Variants in ARMC9 observed in about 807,000 individuals in gnomAD.
ARMC9 encodes lisH domain-containing protein ARMC9.
Under a neutral mutation model 107.0 loss-of-function variants are expected in ARMC9, and 94 were observed. That is an observed-to-expected ratio of 0.88 (90% CI 0.74 to 1.04). The LOEUF (loss-of-function observed/expected upper bound fraction) is 1.04, where lower values mean the gene tolerates loss of function less well. Ranked by LOEUF, ARMC9 falls within the 50% of genes least tolerant of loss-of-function variation. ARMC9 has a pLI of 0.00. For synonymous variants in ARMC9, 380 were observed against 396.9 expected (o/e 0.96, Z 0.51); for missense variants, 942 against 1,030.1 (o/e 0.91, Z 1.17).
At chr2:231,257,455 G>A (rs2037936174) in intron 10 of ARMC9, among the ~76,000 whole-genome samples, 1 of 152,174 alleles carries the variant, frequency 6.6e-6, no homozygotes, top group African/African-American at 2.4e-5. Context: ...GGGAGAGGAG[G>A]GGAAGACGGG....
intron 19 of ARMC9, among the ~76,000 whole-genome samples, chr2:231,318,489 T>G (rs1415628954): frequency 1.3e-5 from 2 of 152,184 alleles, no homozygotes; most frequent in Non-Finnish European, 2.9e-5. Flanking sequence ...GATTGTAACA[T>G]CTCTTAACCT....
intron 24 of ARMC9, among the ~76,000 whole-genome samples, chr2:231,370,868 A>C (rs956445911): frequency 2.0e-5 from 3 of 152,256 alleles, no homozygotes; most frequent in African/African-American, 7.2e-5. Context: ...GCAGGACGAA[A>C]GGAGTCCCGC....
At chr2:231,368,932 A>G (rs533399452) in intron 23 of ARMC9, among the ~76,000 whole-genome samples, 2 of 152,190 alleles carry the variant, frequency 1.3e-5, no homozygotes, top group South Asian at 2.1e-4. Context: ...CTATTTTTCT[A>G]ATTATTAAAG....
In ARMC9 at chr2:231,205,384, A is replaced by G. The variant is rs16827849; in HGVS notation, c.-41-814A>G. Among the ~76,000 whole-genome samples the G allele has an allele frequency of 3.4e-3, 522 of 152,150 alleles. 5 individuals carry two copies. The highest frequency in any genetic ancestry group is 0.012 in the African/African-American group (499 of 41,498). On this transcript the variant is annotated intron_variant, in intron 1 of 24. Coordinates refer to ENST00000611582, the MANE Select transcript of ARMC9 (RefSeq NM_001352754.2). ...GATCCCATCTCAAAAAAAAAATTCG[A>G]TGAGTTCTGACACATTCTGAATTTT...
chr2:231,275,993 T>G (rs1020763101), intron 14 of ARMC9, among the ~76,000 whole-genome samples: 2 of 152,152 alleles, frequency 1.3e-5, no homozygotes, highest in African/African-American at 4.8e-5. Flanking sequence ...AAAGAAGTAT[T>G]TCTATGGTCC....
intron 19 of ARMC9, 68 bp from the exon 20 acceptor site, chr2:231,331,725 T>A: frequency 7.2e-7 from 1 of 1,384,160 alleles, no homozygotes; most frequent in Non-Finnish European, 1.0e-6. Flanking sequence ...CTACACATTC[T>A]GGGGAGCCAC....
At chr2:231,277,175 T>G (rs1392433462) in intron 15 of ARMC9, among the ~76,000 whole-genome samples, 1 of 152,182 alleles carries the variant, frequency 6.6e-6, no homozygotes, top group African/African-American at 2.4e-5. Context: ...TGAATCACAC[T>G]CTTTTCCCTG....
intron 19 of ARMC9, among the ~76,000 whole-genome samples, chr2:231,301,661 A>G (rs751223672): frequency 7.2e-5 from 11 of 152,120 alleles, no homozygotes; most frequent in Non-Finnish European, 1.2e-4. Flanking sequence ...CTTTTGCCAC[A>G]AATCTTTTTT....
intron 16 of ARMC9, among the ~76,000 whole-genome samples, chr2:231,279,223 T>A (rs1177647969): frequency 6.6e-6 from 1 of 152,246 alleles, no homozygotes; most frequent in Admixed American, 6.5e-5. Context: ...CCCCAACACC[T>A]GGTGTTATTT....
chr2:231,329,458 C>T (rs1042210179), intron 19 of ARMC9, among the ~76,000 whole-genome samples: 4 of 151,928 alleles, frequency 2.6e-5, no homozygotes, highest in East Asian at 1.9e-4. Flanking sequence ...TACAGGCATG[C>T]GCCACCACGC....
chr2:231,273,739 GT>G (rs1250942370), intron 14 of ARMC9, among the ~76,000 whole-genome samples: 1 of 152,090 alleles, frequency 6.6e-6, no homozygotes, highest in Non-Finnish European at 1.5e-5. Flanking sequence ...TTAGTTTACA[GT>G]TTTGTTGAGA....
chr2:231,320,093 C>T (rs1348418728), intron 19 of ARMC9, among the ~76,000 whole-genome samples: 2 of 150,164 alleles, frequency 1.3e-5, no homozygotes, highest in Admixed American at 6.6e-5. Context: ...GAGGTTTACT[C>T]ATCCCAATAC....
intron 5 of ARMC9, among the ~76,000 whole-genome samples, chr2:231,217,264 G>C (rs1297391100): frequency 1.3e-5 from 2 of 152,170 alleles, no homozygotes; most frequent in Non-Finnish European, 2.9e-5. Context: ...GTAGTTTTTA[G>C]GCATATGTGT....
chr2:231,281,107 G>A (rs1332182163), intron 16 of ARMC9, among the ~76,000 whole-genome samples: 1 of 151,996 alleles, frequency 6.6e-6, no homozygotes, highest in Non-Finnish European at 1.5e-5. Context: ...GTAAAACATG[G>A]GTCCTGTCTT....
In ARMC9 at chr2:231,208,170, CA is replaced by C; in HGVS notation, c.99del (p.Glu34AsnfsTer4). ...TTTGAAGACACCTTGAAAACATTTT[CA>C]AAAGAATGCAAAATAAAAGGAAAAC... Reference protein sequence around the residue: ...AEFEDTLKTFSKECKIKGKPL... With the variant: ...AEFEDTLKTFXKECKIKGKPL... On this transcript the variant is annotated frameshift_variant, in exon 3 of 25. Transcript: ENST00000611582. LOFTEE classifies it high-confidence loss of function. 6.2e-7 allele frequency: 1 copy of C among 1,605,190 alleles called. No individual in the cohort carries two copies. The highest frequency in any genetic ancestry group is 8.5e-7 in the Non-Finnish European group (1 of 1,174,762).
chr2:231,339,889 C>A (rs1226387708), intron 20 of ARMC9, among the ~76,000 whole-genome samples: 1 of 152,332 alleles, frequency 6.6e-6, no homozygotes, highest in South Asian at 2.1e-4. Flanking sequence ...GCCAAAATCA[C>A]GACATTGCAC....
chr2:231,302,462 T>TG (rs1553620463), intron 19 of ARMC9, among the ~76,000 whole-genome samples: 4 of 132,628 alleles, frequency 3.0e-5, no homozygotes, highest in South Asian at 2.3e-4. Flanking sequence ...TTTTTTTTTT[T>TG]GCCAATCTCT....
chr2:231,249,226 C>G (rs1471332598), intron 9 of ARMC9, among the ~76,000 whole-genome samples: 6 of 152,136 alleles, frequency 3.9e-5, no homozygotes, highest in African/African-American at 7.2e-5. Context: ...AAATGCCCAT[C>G]CCGCAGGATT....
At position 231,272,941 on chromosome 2, in the gene ARMC9, T is replaced by G. The variant is rs2039463254; in HGVS notation, c.1211-14T>G. 1.2e-6 allele frequency: 2 copies of G among 1,607,264 alleles called. No homozygotes were observed. The highest frequency in any genetic ancestry group is 1.7e-6 in the Non-Finnish European group (2 of 1,178,156). The stretch of plus-strand genomic sequence containing the variant: ...TTCTGTCTTTCACCTGTTTCATCTC[T>G]GGTGTATTATCAGGTCGCCTCTACC... On this transcript the variant is annotated splice_polypyrimidine_tract_variant and intron_variant, in intron 13 of 24. Transcript: ENST00000611582.
Sources: allele counts gnomAD v4.1 joint callset (sites outside exome capture counted in the v4.1 genomes callset), GRCh38; gene constraint gnomAD v4.1.1; transcripts MANE v1.5; gene names NCBI Gene and HGNC (gene_info 2026-07-23, HGNC 2026-07-21).